STAT3: variants seen among roughly 807,000 people sequenced by gnomAD.
STAT3 encodes DNA-binding protein APRF.
Under a neutral mutation model 114.3 loss-of-function variants are expected in STAT3, and 7 were observed. The observed-to-expected ratio is 0.06, with a 90% CI of 0.03 to 0.11. The LOEUF is 0.11. Ranked by LOEUF, STAT3 falls within the 10% of genes least tolerant of loss-of-function variation. STAT3 has a pLI of 1.00. For synonymous variants in STAT3, 331 were observed against 354.5 expected, an observed-to-expected ratio of 0.93 and a Z score of 0.74; for missense variants, 364 against 960.9, an observed-to-expected ratio of 0.38 and a Z score of 8.21.
chr17:42,354,819 A>G (rs965740600), intron 1 of STAT3, among the ~76,000 whole-genome samples: 1 of 151,486 alleles, frequency 6.6e-6, no homozygotes, highest in Non-Finnish European at 1.5e-5. Context: ...AAAAAAAAAA[A>G]AGAAGGCACC....
chr17:42,384,252 C>A (rs898601235), intron 1 of STAT3, among the ~76,000 whole-genome samples: 5 of 151,552 alleles, frequency 3.3e-5, no homozygotes, highest in African/African-American at 1.2e-4. Context: ...CCTCAGCCTC[C>A]CGAGTAGCTG....
chr17:42,325,046 C>G lies in STAT3; in HGVS notation c.1381G>C (p.Val461Leu), dbSNP rs149214040. Reference protein sequence around the residue: ...KIDLETHSLPVVVISNICQMP... With the variant: ...KIDLETHSLPLVVISNICQMP... ...TGACAGATGTTGGAGATCACCACAA[C>G]TGGCAAGGAGTGGGTCTGCGGAGGG... Residue 461 changes from valine to leucine, a missense_variant, in exon 16 of 24, where the codon GTT (valine) becomes CTT (leucine). Transcript: ENST00000264657. The G allele has an allele frequency of 1.9e-3, 3,111 of 1,614,066 alleles. 106 individuals carry two copies. The Admixed American group carries it at 0.049, about 25-fold the overall frequency.
intron 1 of STAT3, among the ~76,000 whole-genome samples, chr17:42,372,616 A>G (rs1039528273): frequency 2.0e-5 from 3 of 152,206 alleles, no homozygotes; most frequent in Admixed American, 2.0e-4. Flanking sequence ...ATAATTGTGT[A>G]CTGGCAAATA....
In STAT3 at chr17:42,315,218, A is replaced by G. The variant is rs572165563; in HGVS notation, c.*527T>C. ...CAGTGTTTTTTGCCCTTTAATTGTT[A>G]TTATTTCTTAATTTAAAAAGAAACC... is the stretch of plus-strand genomic sequence containing the variant. On this transcript the variant is annotated 3_prime_UTR_variant, in exon 24 of 24. Coordinates refer to ENST00000264657, the MANE Select transcript of STAT3 (RefSeq NM_139276.3). 29 of 249,558 alleles carry G rather than the reference A, an allele frequency of 1.2e-4. No homozygotes were observed. Among genetic ancestry groups the G allele is most frequent in the Admixed American group, 5.5e-4 (11 of 20,084 alleles). The allele number at this position is 249,558 out of a possible 1,614,324, so 15.5% of individuals were successfully genotyped here.
chr17:42,381,640 G>GAGAGT (rs975803114), intron 1 of STAT3, among the ~76,000 whole-genome samples: 1 of 151,582 alleles, frequency 6.6e-6, no homozygotes, highest in Non-Finnish European at 1.5e-5. Flanking sequence ...GCTGAGGCAG[G>GAGAGT]AGAGTGGCGT....
intron 1 of STAT3, among the ~76,000 whole-genome samples, chr17:42,367,501 C>T (rs759585225): frequency 2.0e-5 from 3 of 152,144 alleles, no homozygotes; most frequent in Non-Finnish European, 4.4e-5. Context: ...ACAGCTGTCC[C>T]CTCTCTGCTC....
intron 4 of STAT3, among the ~76,000 whole-genome samples, chr17:42,340,753 AC>A (rs1316255527): frequency 2.0e-5 from 3 of 152,140 alleles, no homozygotes. Context: ...AGTGACAGTG[AC>A]TCATCTGATT....
intron 1 of STAT3, among the ~76,000 whole-genome samples, chr17:42,379,875 C>A (rs760740541): frequency 6.6e-6 from 1 of 152,014 alleles, no homozygotes; most frequent in African/African-American, 2.4e-5. Flanking sequence ...AATGTAAGTC[C>A]CCCATCCCTA....
intron 11 of STAT3, among the ~76,000 whole-genome samples, chr17:42,330,074 A>G (rs1399584394): frequency 6.6e-6 from 1 of 151,890 alleles, no homozygotes; most frequent in African/African-American, 2.4e-5. Context: ...AAATTTCCAC[A>G]TAATTACATC....
Position 42,334,321 on chromosome 17 carries a change from T to A in STAT3, c.798-272A>T, listed in dbSNP as rs551425579. On this transcript the variant is annotated intron_variant, in intron 8 of 23. Coordinates refer to ENST00000264657, the MANE Select transcript of STAT3 (RefSeq NM_139276.3). Reference sequence around the variant, plus strand: ...AAATAATTTATTTATTTATTTATTTTTTGAGCTGGAGTGCAGTGGTGCAAT... The same window carrying A: ...AAATAATTTATTTATTTATTTATTTATTGAGCTGGAGTGCAGTGGTGCAAT... Among the ~76,000 whole-genome samples, 13 of 152,240 alleles carry A rather than the reference T, an allele frequency of 8.5e-5. No individual in the cohort carries two copies. The South Asian group carries it at 2.3e-3, about 27-fold the overall frequency.
chr17:42,375,041 A>C (rs2084375190), intron 1 of STAT3, among the ~76,000 whole-genome samples: 1 of 152,228 alleles, frequency 6.6e-6, no homozygotes, highest in Non-Finnish European at 1.5e-5. Context: ...TGTAGGAATT[A>C]ACCCCAGCAG....
At chr17:42,344,722 A>G (rs1231333063) in intron 4 of STAT3, among the ~76,000 whole-genome samples, 1 of 150,736 alleles carries the variant, frequency 6.6e-6, no homozygotes, top group African/African-American at 2.4e-5. Flanking sequence ...CTGTCTCAAA[A>G]AAAAAAAAAA....
At position 42,345,565 on chromosome 17, in the gene STAT3, C is replaced by T. The variant is rs964141843; in HGVS notation, c.366G>A (p.Ala122=). 1.1e-5 allele frequency: 18 copies of T among 1,603,420 alleles called. No individual in the cohort carries two copies. In the African/African-American group the frequency reaches 1.6e-4, roughly 14 times the overall value. The change falls in exon 4 of 24, where the codon GCG becomes GCA. Residue 122 remains alanine, a synonymous_variant. Coordinates refer to ENST00000264657, the MANE Select transcript of STAT3 (RefSeq NM_139276.3). ...GTTTTGTCTCAGGTCTCACCTGGGCCGCAGTGGCTGCAGTCTGTAGAAGGC... is the reference window on the plus strand; with the variant it reads ...GTTTTGTCTCAGGTCTCACCTGGGCTGCAGTGGCTGCAGTCTGTAGAAGGC... ...ESRLLQTAAT[A]AQQGGQANHP...
chr17:42,339,470 A>C (rs1433065592), intron 4 of STAT3, 61 bp from the exon 5 acceptor site: 33 of 1,501,292 alleles, frequency 2.2e-5, no homozygotes, highest in Non-Finnish European at 2.8e-5. Flanking sequence ...GAATACCTCT[A>C]CCCAGCTTCC....
Position 42,333,699 on chromosome 17 carries a change from G to T in STAT3, c.1023C>A (p.Thr341=). 1.2e-6 allele frequency: 2 copies of T among 1,614,144 alleles called. No homozygotes were observed. The highest frequency in any genetic ancestry group is 2.2e-5 in the South Asian group (2 of 91,080). ...MHPDRPLVIK[T]GVQFTTKVRL... ...TGACTTTAGTAGTGAACTGGACGCC[G>T]GTCTTGATGACGAGGGGCCGGTCAG... The change falls in exon 10 of 24, where the codon ACC becomes ACA. Residue 341 remains threonine, a synonymous_variant. Transcript: ENST00000264657. This position sits in a 1 kb window ranked among gnomAD's most constrained non-coding sequence, Gnocchi z 5.2.
At chr17:42,360,059 C>CAA (rs71157617) in intron 1 of STAT3, among the ~76,000 whole-genome samples, 4,602 of 46,408 alleles carry the variant, frequency 0.099, 359 homozygotes, top group Non-Finnish European at 0.12. Flanking sequence ...GACTCCGTCT[C>CAA]AAAAAAAAAA....
chr17:42,369,048 C>T (rs750851598), intron 1 of STAT3, among the ~76,000 whole-genome samples: 1 of 152,136 alleles, frequency 6.6e-6, no homozygotes, highest in Non-Finnish European at 1.5e-5. Context: ...TAGCCTCCAG[C>T]TCCATCCATG....
At chr17:42,341,336 CAA>C (rs772356254) in intron 4 of STAT3, among the ~76,000 whole-genome samples, 4 of 152,220 alleles carry the variant, frequency 2.6e-5, no homozygotes, top group Non-Finnish European at 4.4e-5. Flanking sequence ...CCCAGACTCC[CAA>C]CTCTTCCCTG....
chr17:42,316,751 T>A (rs2081266924), intron 23 of STAT3, 38 bp downstream of exon 23: 1 of 1,613,226 alleles, frequency 6.2e-7, no homozygotes, highest in Non-Finnish European at 8.5e-7. Flanking sequence ...GGGACCAACT[T>A]CCCTTATAGG....
Sources: gnomAD v4.1 joint callset for allele counts (sites outside exome capture counted in the v4.1 genomes callset) on GRCh38, gnomAD v4.1.1 for gene constraint, Gnocchi (gnomAD v3.1) non-coding constraint, MANE v1.5 for transcripts, NCBI Gene and HGNC (gene_info 2026-07-23, HGNC 2026-07-21) for gene names.